The following RSPH14 variants were observed in gnomAD, a reference collection of about 807,000 sequenced individuals.
RSPH14 encodes radial spoke head 14 homolog.
In RSPH14, 20 loss-of-function variants were observed where a neutral mutation model predicts 26.7. That is an observed-to-expected ratio of 0.75 (90% CI 0.53 to 1.09). The LOEUF (loss-of-function observed/expected upper bound fraction) is 1.09, where lower values mean the gene tolerates loss of function less well. RSPH14 is among the 50% of genes least tolerant of loss of function. The pLI, the probability that RSPH14 is intolerant of heterozygous loss-of-function variation, is 0.00. For missense variants in RSPH14, 449 were observed against 457.2 expected, an observed-to-expected ratio of 0.98 and a Z score of 0.16; for synonymous variants, 177 against 189.3, an observed-to-expected ratio of 0.93 and a Z score of 0.53.
the RSPH14 span, among the ~76,000 whole-genome samples, chr22:23,172,828 T>C: frequency 6.6e-6 from 1 of 150,776 alleles, no homozygotes; most frequent in Non-Finnish European, 1.5e-5. Context: ...CAGGCGCCTG[T>C]AGTCCCAGCT....
intron 4 of RSPH14, among the ~76,000 whole-genome samples, chr22:23,086,036 A>G (rs1172608464): frequency 6.6e-6 from 1 of 152,266 alleles, no homozygotes; most frequent in Admixed American, 6.5e-5. Flanking sequence ...TAGTGGCAGA[A>G]GCGGTTCCTC....
chr22:23,175,220 G>A, the RSPH14 span, among the ~76,000 whole-genome samples: 1 of 152,098 alleles, frequency 6.6e-6, no homozygotes, highest in African/African-American at 2.4e-5. Context: ...GAATGGTCTC[G>A]ATATCCTGAC....
chr22:23,125,724 G>A (rs1439059762), intron 4 of RSPH14, among the ~76,000 whole-genome samples: 1 of 152,212 alleles, frequency 6.6e-6, no homozygotes, highest in African/African-American at 2.4e-5. Context: ...AGTCAAGCCA[G>A]GATTCACCAG....
At chr22:23,125,599 C>T (rs928522292) in intron 4 of RSPH14, among the ~76,000 whole-genome samples, 1 of 152,184 alleles carries the variant, frequency 6.6e-6, no homozygotes, top group Non-Finnish European at 1.5e-5. Flanking sequence ...GGGCCTGCTG[C>T]GAACCAGGCA....
chr22:23,153,347 G>C, the RSPH14 span, among the ~76,000 whole-genome samples: 1 of 152,056 alleles, frequency 6.6e-6, no homozygotes, highest in Admixed American at 6.6e-5. Context: ...TTGGCTCTGG[G>C]GAAGGTGCTC....
At chr22:23,080,449 A>T (rs1416999419) in intron 4 of RSPH14, among the ~76,000 whole-genome samples, 2 of 152,230 alleles carry the variant, frequency 1.3e-5, no homozygotes, top group East Asian at 3.8e-4. Flanking sequence ...GGTTGTCTGT[A>T]GGATGGGGAC....
At chr22:23,126,002 C>T (rs2070174243) in intron 4 of RSPH14, among the ~76,000 whole-genome samples, 2 of 152,204 alleles carry the variant, frequency 1.3e-5, no homozygotes, top group South Asian at 4.1e-4. Context: ...ACTCCTAAGC[C>T]CACGCAGGGA....
intron 4 of RSPH14, among the ~76,000 whole-genome samples, chr22:23,117,293 C>T (rs565928234): frequency 1.6e-4 from 25 of 152,190 alleles, no homozygotes; most frequent in Non-Finnish European, 3.2e-4. Context: ...AAGTAAGGTC[C>T]AGGTGGCTGC....
upstream of RSPH14, chr22:23,145,458 C>A: frequency 6.2e-7 from 1 of 1,610,326 alleles, no homozygotes; most frequent in Non-Finnish European, 8.5e-7. Context: ...GTGTAGCCCG[C>A]AGGTCCCGCG....
chr22:23,140,729 G>T (rs1374976457), intron 1 of RSPH14, among the ~76,000 whole-genome samples: 1 of 152,150 alleles, frequency 6.6e-6, no homozygotes. Context: ...CTTTCATCTG[G>T]ATCTTCAGTC....
At chr22:23,129,875 A>ATG (rs2146423526) in intron 4 of RSPH14, among the ~76,000 whole-genome samples, 1 of 151,138 alleles carries the variant, frequency 6.6e-6, no homozygotes, top group South Asian at 2.1e-4. Context: ...AGCTGAGACC[A>ATG]TGCCACTACA....
At chr22:23,154,134 T>A in the RSPH14 span, among the ~76,000 whole-genome samples, 2 of 152,002 alleles carry the variant, frequency 1.3e-5, no homozygotes, top group Non-Finnish European at 2.9e-5. Context: ...CTGGGTAGCT[T>A]CCCTCTGCCC....
In RSPH14 at chr22:23,139,009, C is replaced by T. The variant is rs560026423; in HGVS notation, c.200-67G>A. ...TTTGCCAGTCTCAGAAACCAACCAA[C>T]CCAGAAGTCAATAAGTGGGCCAGTT... On this transcript the variant is annotated intron_variant, in intron 2 of 6. Coordinates refer to ENST00000216036, the MANE Select transcript of RSPH14 (RefSeq NM_014433.3). 4.5e-6 allele frequency: 6 copies of T among 1,327,530 alleles called. No homozygotes were observed. In the African/African-American group the frequency reaches 8.9e-5, roughly 20 times the overall value. 82.2% of individuals were successfully genotyped at this position (1,327,530 alleles called of 1,614,324 possible). A position where few individuals can be genotyped will look rare whatever the true frequency, so the allele number is the denominator to read the frequency against.
chr22:23,096,850 C>T (rs1265007041), intron 4 of RSPH14, among the ~76,000 whole-genome samples: 3 of 152,212 alleles, frequency 2.0e-5, no homozygotes, highest in African/African-American at 4.8e-5. Flanking sequence ...AATCCCAGGT[C>T]CTGGTGGAAA....
chr22:23,159,173 C>T, the RSPH14 span: 1 of 1,611,434 alleles, frequency 6.2e-7, no homozygotes, highest in East Asian at 2.2e-5. Flanking sequence ...TCAGGGGCCG[C>T]ATGTGAGCAG....
chr22:23,156,661 T>C, the RSPH14 span, among the ~76,000 whole-genome samples: 2 of 152,250 alleles, frequency 1.3e-5, no homozygotes, highest in Non-Finnish European at 2.9e-5. Context: ...AAGGCACCGA[T>C]ATGTCTACTC....
the RSPH14 span, among the ~76,000 whole-genome samples, chr22:23,159,448 T>C: frequency 6.6e-6 from 1 of 152,218 alleles, no homozygotes; most frequent in Non-Finnish European, 1.5e-5. Flanking sequence ...CTGCGTCATC[T>C]CTAGAAGGAA....
chr22:23,158,248 C>A, the RSPH14 span, among the ~76,000 whole-genome samples: 1 of 152,230 alleles, frequency 6.6e-6, no homozygotes, highest in Non-Finnish European at 1.5e-5. Flanking sequence ...GGAGCCAGCA[C>A]ATGAGTGTGA....
upstream of RSPH14, chr22:23,145,142 C>G (rs2070693879): frequency 1.2e-5 from 7 of 587,242 alleles, no homozygotes; most frequent in Non-Finnish European, 2.1e-5. Flanking sequence ...TATGCCATAA[C>G]CGCCCAACCT....
Sources: allele counts gnomAD v4.1 joint callset (sites outside exome capture counted in the v4.1 genomes callset), GRCh38; gene constraint gnomAD v4.1.1; transcripts MANE v1.5; gene names NCBI Gene and HGNC (gene_info 2026-07-23, HGNC 2026-07-21).